The following RERE variants were observed in gnomAD, a reference collection of about 807,000 sequenced individuals.
RERE encodes arginine-glutamic acid dipeptide repeats.
In RERE, 40 loss-of-function variants were observed where a neutral mutation model predicts 146.1. The ratio of observed to expected loss-of-function variants is 0.27; its 90% CI spans 0.21 to 0.36. The LOEUF (loss-of-function observed/expected upper bound fraction) is 0.36, where lower values mean the gene tolerates loss of function less well. RERE is among the 10% of genes least tolerant of loss of function. The pLI is 1.00. For synonymous variants in RERE, 1,003 were observed against 866.0 expected (o/e 1.16, Z -2.78); for missense variants, 1,933 against 2,138.7 (o/e 0.90, Z 1.90).
chr1:8,360,408 C>G lies in RERE; in HGVS notation c.3099G>C (p.Pro1033=). ...CAGGGACAAAGGGGTGCTGAGCAAA[C>G]GGGGGTTGGGGGGCCACCTGGTGGA... ...TGLHQVAPQP[P]FAQHPFVPGG... Residue 1033 remains proline (P), a synonymous_variant, in exon 18 of 23, where the codon CCG becomes CCC. Coordinates refer to ENST00000400908, the MANE Select transcript of RERE (RefSeq NM_001042681.2). 1.2e-6 allele frequency: 1 copy of G among 845,550 alleles called. No homozygotes were observed. The highest frequency in any genetic ancestry group is 4.0e-5 in the South Asian group (1 of 24,936). 52.4% of individuals were successfully genotyped at this position (845,550 alleles called of 1,614,324 possible). A position where few individuals can be genotyped will look rare whatever the true frequency, so the allele number is the denominator to read the frequency against.
intron 1 of RERE, among the ~76,000 whole-genome samples, chr1:8,691,048 C>T (rs1474795975): frequency 6.6e-6 from 1 of 152,064 alleles, no homozygotes; most frequent in Non-Finnish European, 1.5e-5. Context: ...TAGGCGCGCA[C>T]CACCACGCCC....
At chr1:8,494,748 G>A (rs1257984458) in intron 10 of RERE, among the ~76,000 whole-genome samples, 2 of 152,188 alleles carry the variant, frequency 1.3e-5, no homozygotes, top group African/African-American at 2.4e-5. Flanking sequence ...AGAACCTAGA[G>A]GTGGTTGTGA....
intron 1 of RERE, among the ~76,000 whole-genome samples, chr1:8,696,417 T>C (rs1480176110): frequency 1.3e-5 from 2 of 151,950 alleles, no homozygotes; most frequent in African/African-American, 2.4e-5. Context: ...GTTGGGAGAC[T>C]AGCCAGGGCA....
chr1:8,750,150 C>CAAAAA lies in RERE; in HGVS notation c.-145+67005_-145+67009dup, dbSNP rs3045405. 6.6e-3 allele frequency among the ~76,000 whole-genome samples: 632 copies of CAAAAA among 96,076 alleles called. 13 individuals carry two copies. Among genetic ancestry groups the CAAAAA allele is most frequent in the African/African-American group, 0.012 (288 of 24,280 alleles). The allele number at this position is 96,076 out of a possible 152,430, so 63.0% of individuals were successfully genotyped here. A position where few individuals can be genotyped will look rare whatever the true frequency, so the allele number is the denominator to read the frequency against. ...TGGGTGACAGAACAAGCCTCTGTCT[C>CAAAAA]AAAAAAAAAAAAAAAAAAAGAATGG... On this transcript the variant is annotated intron_variant, in intron 1 of 22. Transcript: ENST00000400908.
At chr1:8,417,190 T>C (rs1643800602) in intron 12 of RERE, among the ~76,000 whole-genome samples, 3 of 152,226 alleles carry the variant, frequency 2.0e-5, no homozygotes, top group Non-Finnish European at 4.4e-5. Context: ...GAAGCTCATA[T>C]TGAATACTAG....
At chr1:8,695,634 G>T (rs916919182) in intron 1 of RERE, among the ~76,000 whole-genome samples, 2 of 143,394 alleles carry the variant, frequency 1.4e-5, no homozygotes, top group Admixed American at 7.1e-5. Flanking sequence ...GGTAGTGAGC[G>T]CCTGTAATCC....
intron 7 of RERE, among the ~76,000 whole-genome samples, chr1:8,539,765 T>A (rs975797260): frequency 6.6e-6 from 1 of 152,108 alleles, no homozygotes; most frequent in East Asian, 1.9e-4. Flanking sequence ...TTACTATCCA[T>A]ACATCAAGCA....
At chr1:8,382,793 G>A (rs1642502716) in intron 12 of RERE, among the ~76,000 whole-genome samples, 1 of 152,088 alleles carries the variant, frequency 6.6e-6, no homozygotes, top group East Asian at 1.9e-4. Context: ...GGAAGGTTAA[G>A]GAACCTCCTC....
intron 12 of RERE, among the ~76,000 whole-genome samples, chr1:8,401,547 C>T (rs2124441782): frequency 6.6e-6 from 1 of 152,178 alleles, no homozygotes; most frequent in South Asian, 2.1e-4. Flanking sequence ...ATCACTTGAA[C>T]CCAGAAATTC....
At chr1:8,398,922 T>C (rs1348079149) in intron 12 of RERE, among the ~76,000 whole-genome samples, 2 of 152,180 alleles carry the variant, frequency 1.3e-5, no homozygotes, top group African/African-American at 2.4e-5. Context: ...CACTTCTACT[T>C]AGAACTGATA....
At chr1:8,678,256 G>A (rs1638886056) in intron 1 of RERE, among the ~76,000 whole-genome samples, 1 of 151,858 alleles carries the variant, frequency 6.6e-6, no homozygotes, top group Non-Finnish European at 1.5e-5. Context: ...ATAATCAAAG[G>A]GCACAGATTC....
chr1:8,373,461 T>G (rs1332358506), intron 12 of RERE, among the ~76,000 whole-genome samples: 6 of 152,180 alleles, frequency 3.9e-5, no homozygotes, highest in Non-Finnish European at 8.8e-5. Context: ...GTATGTTTTT[T>G]CAGGGAGAAA....
At chr1:8,644,065 T>C (rs1570555251) in intron 2 of RERE, among the ~76,000 whole-genome samples, 1 of 152,192 alleles carries the variant, frequency 6.6e-6, no homozygotes, top group Non-Finnish European at 1.5e-5. Context: ...AAACAAACTA[T>C]TGCTAAATAT....
At chr1:8,798,509 C>T (rs1641524459) in intron 1 of RERE, 1 of 211,834 alleles carries the variant, frequency 4.7e-6, no homozygotes, top group Admixed American at 4.3e-5. Context: ...TGGTGCTGTT[C>T]TGGCCAGACG....
intron 1 of RERE, among the ~76,000 whole-genome samples, chr1:8,790,362 T>C (rs1164680894): frequency 1.3e-5 from 2 of 152,198 alleles, no homozygotes; most frequent in East Asian, 3.8e-4. Context: ...TTCTATACTA[T>C]GTAGCTAATA....
chr1:8,659,964 C>T (rs1241444476), intron 1 of RERE, among the ~76,000 whole-genome samples: 1 of 151,908 alleles, frequency 6.6e-6, no homozygotes, highest in Non-Finnish European at 1.5e-5. Flanking sequence ...AAAACAAAAT[C>T]CAGTATATGT....
intron 11 of RERE, among the ~76,000 whole-genome samples, chr1:8,425,915 A>T (rs949507936): frequency 3.3e-5 from 5 of 152,136 alleles, no homozygotes; most frequent in African/African-American, 4.8e-5. Context: ...ACCTAAGAAG[A>T]AGTACAATTA....
intron 6 of RERE, among the ~76,000 whole-genome samples, chr1:8,548,735 A>G (rs1187108758): frequency 5.9e-5 from 9 of 152,214 alleles, no homozygotes; most frequent in Admixed American, 5.9e-4. Context: ...CTGTAATCCC[A>G]GCACCTCGGG....
rs902118730 is a variant in RERE at position 8,356,322 on chromosome 1, G to A, written c.4340-76C>T. 9 of 1,383,698 alleles carry A rather than the reference G, an allele frequency of 6.5e-6. No individual in the cohort carries two copies. In the African/African-American group the frequency reaches 7.7e-5, roughly 12 times the overall value. 85.7% of individuals were successfully genotyped at this position (1,383,698 alleles called of 1,614,324 possible). ...TTTGTCCCCCTTGGCTGGAATGACC[G>A]ATGACTTCCTCCTCACCCAGGATGG... On this transcript the variant is annotated intron_variant, in intron 20 of 22. Coordinates refer to ENST00000400908, the MANE Select transcript of RERE (RefSeq NM_001042681.2). This position sits in a 1 kb window ranked among gnomAD's most constrained non-coding sequence, Gnocchi z 5.2.
Sources: gnomAD v4.1 joint callset for allele counts (sites outside exome capture counted in the v4.1 genomes callset) on GRCh38, gnomAD v4.1.1 for gene constraint, Gnocchi (gnomAD v3.1) non-coding constraint, MANE v1.5 for transcripts, NCBI Gene and HGNC (gene_info 2026-07-23, HGNC 2026-07-21) for gene names.